Variants in SLC37A3 observed in about 807,000 individuals in gnomAD.
SLC37A3 encodes sugar phosphate exchanger 3.
SLC37A3 carries 51 observed loss-of-function variants against 67.1 expected under a neutral mutation model. That is an observed-to-expected ratio of 0.76 (90% CI 0.61 to 0.96). SLC37A3 has a LOEUF of 0.96. SLC37A3 is among the 40% of genes least tolerant of loss of function. The pLI is 0.00. For synonymous variants in SLC37A3, 214 were observed against 231.4 expected (o/e 0.92, Z 0.68); for missense variants, 508 against 603.0 (o/e 0.84, Z 1.65).
At chr7:140,349,082 T>C (rs1007081826) in intron 9 of SLC37A3, among the ~76,000 whole-genome samples, 2 of 152,202 alleles carry the variant, frequency 1.3e-5, no homozygotes, top group Admixed American at 1.3e-4. Context: ...TTTGAACCTA[T>C]AAGGCAGAGC....
At chr7:140,373,498 A>C (rs1470109289) in intron 3 of SLC37A3, among the ~76,000 whole-genome samples, 4 of 152,178 alleles carry the variant, frequency 2.6e-5, no homozygotes, top group African/African-American at 9.7e-5. Context: ...ACAGTTTCAG[A>C]TTCCATCACT....
chr7:140,385,990 C>A (rs1198011979), intron 1 of SLC37A3, among the ~76,000 whole-genome samples: 1 of 152,162 alleles, frequency 6.6e-6, no homozygotes, highest in African/African-American at 2.4e-5. Context: ...ACCATGTTGG[C>A]CAGGCTGGTC....
chr7:140,390,411 C>T (rs1451669225), intron 1 of SLC37A3, among the ~76,000 whole-genome samples: 1 of 152,098 alleles, frequency 6.6e-6, no homozygotes, highest in Non-Finnish European at 1.5e-5. Context: ...TTCACTTCCC[C>T]TAAGGCCTTT....
chr7:140,392,858 G>C, intron 1 of SLC37A3, among the ~76,000 whole-genome samples: 1 of 152,158 alleles, frequency 6.6e-6, no homozygotes, highest in Non-Finnish European at 1.5e-5. Flanking sequence ...TTGGGAGGCT[G>C]AGGTGGGCGG....
chr7:140,334,628 A>T lies in SLC37A3; in HGVS notation c.*784T>A, dbSNP rs192560001. 348 of 153,154 alleles carry T rather than the reference A, an allele frequency of 2.3e-3. 4 individuals carry two copies. Among genetic ancestry groups the T allele is most frequent in the Non-Finnish European group, 3.4e-3 (233 of 68,378 alleles). 9.5% of individuals were successfully genotyped at this position (153,154 alleles called of 1,614,324 possible). On this transcript the variant is annotated 3_prime_UTR_variant, in exon 15 of 15. Transcript: ENST00000326232. ...CACGTCGGAATGTTCAAGATAAATGATGTACCTTATGGTCCTTTACACGTC... is the reference window on the plus strand; with the variant it reads ...CACGTCGGAATGTTCAAGATAAATGTTGTACCTTATGGTCCTTTACACGTC...
intron 7 of SLC37A3, 34 bp downstream of exon 7, chr7:140,355,634 A>G (rs775423600): frequency 1.3e-6 from 2 of 1,557,378 alleles, no homozygotes; most frequent in South Asian, 1.1e-5. Context: ...ACAGAGAGAG[A>G]GAGAGAGCAC....
intron 1 of SLC37A3, among the ~76,000 whole-genome samples, 195 bp from the exon 2 acceptor site, chr7:140,382,791 T>C (rs1339258447): frequency 6.8e-6 from 1 of 148,086 alleles, no homozygotes; most frequent in African/African-American, 2.5e-5. Flanking sequence ...AAAAAAATCC[T>C]GGACAAAAGA....
intron 10 of SLC37A3, among the ~76,000 whole-genome samples, chr7:140,347,551 A>G (rs1796613999): frequency 6.6e-6 from 1 of 152,234 alleles, no homozygotes; most frequent in Non-Finnish European, 1.5e-5. Flanking sequence ...GTTCAAATAC[A>G]GTAATAGCAG....
intron 13 of SLC37A3, among the ~76,000 whole-genome samples, chr7:140,341,125 G>T (rs1005759297): frequency 1.4e-4 from 21 of 152,088 alleles, no homozygotes; most frequent in Non-Finnish European, 2.6e-4. Flanking sequence ...AGAGATGAGG[G>T]TCTCACTATG....
chr7:140,348,440 GT>G (rs1796656880), intron 10 of SLC37A3, 185 bp downstream of exon 10: 5 of 647,096 alleles, frequency 7.7e-6, no homozygotes, highest in Non-Finnish European at 9.4e-6. Flanking sequence ...TGGACCTCTT[GT>G]TTTTTCTTTT....
chr7:140,337,384 C>T, intron 13 of SLC37A3, 35 bp from the exon 14 acceptor site: 2 of 1,482,236 alleles, frequency 1.3e-6, no homozygotes, highest in Non-Finnish European at 1.8e-6. Context: ...CAATATAATT[C>T]TTTATAATTC....
intron 3 of SLC37A3, among the ~76,000 whole-genome samples, chr7:140,377,141 C>T (rs909690825): frequency 1.2e-4 from 18 of 151,900 alleles, no homozygotes; most frequent in African/African-American, 3.6e-4. Context: ...AATGGAATGT[C>T]GCCATGTTGG....
chr7:140,344,688 G>A (rs920810454), intron 12 of SLC37A3, among the ~76,000 whole-genome samples: 3 of 152,166 alleles, frequency 2.0e-5, no homozygotes, highest in African/African-American at 7.2e-5. Flanking sequence ...CCCAAGAGGT[G>A]TAGGTTGCAG....
At chr7:140,391,241 A>C (rs904259349) in intron 1 of SLC37A3, among the ~76,000 whole-genome samples, 2 of 152,210 alleles carry the variant, frequency 1.3e-5, no homozygotes, top group Admixed American at 6.5e-5. Context: ...TGACCAATTA[A>C]TATCCCTCCA....
intron 1 of SLC37A3, among the ~76,000 whole-genome samples, chr7:140,394,154 G>C (rs1563058493): frequency 6.6e-6 from 1 of 151,984 alleles, no homozygotes; most frequent in Non-Finnish European, 1.5e-5. Flanking sequence ...CTGGGCAACA[G>C]AGTGAGACCC....
chr7:140,369,800 C>G, intron 3 of SLC37A3, 118 bp from the exon 4 acceptor site: 1 of 740,608 alleles, frequency 1.4e-6, no homozygotes, highest in South Asian at 1.7e-5. Flanking sequence ...ACAACTTTTA[C>G]TTCAAATGTA....
intron 10 of SLC37A3, among the ~76,000 whole-genome samples, chr7:140,346,578 T>C (rs1382355425): frequency 1.3e-5 from 2 of 152,224 alleles, no homozygotes; most frequent in Non-Finnish European, 2.9e-5. Context: ...TTTTGATTTT[T>C]CTTTTTAATT....
At chr7:140,352,270 A>G in intron 7 of SLC37A3, 124 bp from the exon 8 acceptor site, 1 of 799,072 alleles carries the variant, frequency 1.3e-6, no homozygotes, top group Non-Finnish European at 2.0e-6. Flanking sequence ...CCGGGAAGCA[A>G]GGGAGCACCC....
intron 3 of SLC37A3, among the ~76,000 whole-genome samples, chr7:140,376,633 C>T (rs1036976283): frequency 6.6e-6 from 1 of 152,206 alleles, no homozygotes; most frequent in Non-Finnish European, 1.5e-5. Flanking sequence ...GGGAGGCTCA[C>T]AGACATGGAA....
Sources: gnomAD v4.1 joint callset for allele counts (sites outside exome capture counted in the v4.1 genomes callset) on GRCh38, gnomAD v4.1.1 for gene constraint, MANE v1.5 for transcripts, NCBI Gene and HGNC (gene_info 2026-07-23, HGNC 2026-07-21) for gene names.